The following FOXP2 variants were observed in gnomAD, a reference collection of about 807,000 sequenced individuals.
The protein encoded by FOXP2 is forkhead box protein P2.
A neutral mutation model predicts 115.8 loss-of-function variants in FOXP2; 12 were observed. The observed-to-expected ratio is 0.10, with a 90% CI of 0.07 to 0.17. FOXP2 has a LOEUF of 0.17. Among genes scored for constraint, FOXP2 ranks in the 10% least tolerant of loss-of-function variants. The pLI, the probability that FOXP2 is intolerant of heterozygous loss-of-function variation, is 1.00. For synonymous variants in FOXP2, 328 were observed against 297.7 expected (o/e 1.10, Z -1.05); for missense variants, 629 against 843.5 (o/e 0.75, Z 3.15).
chr7:114,561,047 G>A (rs921444445), intron 3 of FOXP2: 1 of 152,160 alleles, frequency 6.6e-6, no homozygotes, highest in Non-Finnish European at 1.5e-5. Context: ...TGTTTATTAT[G>A]CACATGTCAC....
At chr7:114,659,758 A>G in intron 13 of FOXP2, 85 bp downstream of exon 13, 1 of 1,054,328 alleles carries the variant, frequency 9.5e-7, no homozygotes, top group South Asian at 1.3e-5. Flanking sequence ...TGACATAAGC[A>G]GATTAGTATC....
Position 114,659,369 on chromosome 7 carries a change from C to A in FOXP2, c.1482C>A (p.Asn494Lys). ...TTATTTTTATAGAAATTGCCCCAAA[C>A]TATGAATTTTATAAAAATGCAGATG... The part of the protein sequence containing the change: ...NIPMSSEIAP[N>K]YEFYKNADVR... The change falls in exon 12 of 17, where the codon AAC becomes AAA. Residue 494 changes from asparagine to lysine, a missense_variant. Physicochemically the swap from Asn to Lys is moderately conservative, Grantham distance 94 (BLOSUM62 0). Coordinates refer to ENST00000350908, the MANE Select transcript of FOXP2 (RefSeq NM_014491.4). 6.2e-7 allele frequency: 1 copy of A among 1,611,328 alleles called. No individual in the cohort carries two copies. The highest frequency in any genetic ancestry group is 8.5e-7 in the Non-Finnish European group (1 of 1,177,994).
At chr7:114,298,955 G>T (rs568334117) in intron 2 of FOXP2, among the ~76,000 whole-genome samples, 1 of 152,056 alleles carries the variant, frequency 6.6e-6, no homozygotes, top group Non-Finnish European at 1.5e-5. Flanking sequence ...TGAACCATAC[G>T]TACAAAATTA....
chr7:114,171,676 G>T (rs543872768), intron 1 of FOXP2, among the ~76,000 whole-genome samples: 1 of 152,288 alleles, frequency 6.6e-6, no homozygotes, highest in East Asian at 1.9e-4. Flanking sequence ...CCATTCCATA[G>T]CGCACAGATC....
upstream of FOXP2, among the ~76,000 whole-genome samples, chr7:114,412,643 T>C (rs1418255209): frequency 1.3e-5 from 2 of 152,192 alleles, no homozygotes; most frequent in African/African-American, 4.8e-5. Flanking sequence ...CCAGCCAAAC[T>C]TGACGTACCC....
intron 4 of FOXP2, among the ~76,000 whole-genome samples, chr7:114,629,358 G>C (rs1380329025): frequency 6.6e-6 from 1 of 152,122 alleles, no homozygotes; most frequent in Non-Finnish European, 1.5e-5. Context: ...CTTCTGTGCT[G>C]ATGACTACAG....
chr7:114,237,829 C>T (rs1291098515), intron 1 of FOXP2, among the ~76,000 whole-genome samples: 1 of 151,786 alleles, frequency 6.6e-6, no homozygotes, highest in Admixed American at 6.6e-5. Context: ...CAAAAAATTA[C>T]CCAGGTGTGG....
chr7:114,336,265 G>C (rs1035545792), intron 2 of FOXP2, among the ~76,000 whole-genome samples: 2 of 151,178 alleles, frequency 1.3e-5, no homozygotes, highest in Admixed American at 6.6e-5. Context: ...CATGTGAAGT[G>C]TTCTTACTGT....
chr7:114,545,872 C>T lies in FOXP2; in HGVS notation c.258+11166C>T, dbSNP rs538069904. Among the ~76,000 whole-genome samples the T allele has an allele frequency of 7.3e-4, 111 of 152,218 alleles. 2 individuals are homozygous for T. In the South Asian group the frequency reaches 0.019, roughly 26 times the overall value. On this transcript the variant is annotated intron_variant, in intron 3 of 16. Coordinates refer to ENST00000350908, the MANE Select transcript of FOXP2 (RefSeq NM_014491.4). ...GTGAAGTCTCCTTTAATATCCTCCCCATCCTCACCAGCACACACACACTAT... is the reference window on the plus strand; with the variant it reads ...GTGAAGTCTCCTTTAATATCCTCCCTATCCTCACCAGCACACACACACTAT...
intron 2 of FOXP2, among the ~76,000 whole-genome samples, chr7:114,375,676 A>G (rs191452937): frequency 3.2e-4 from 49 of 152,250 alleles, no homozygotes; most frequent in African/African-American, 1.1e-3. Context: ...CTAGATGCTG[A>G]CTACAGCTGC....
At position 114,691,544 on chromosome 7, in the gene FOXP2, C is replaced by T. The variant is rs1305073665; in HGVS notation, c.*1618C>T. 2.2e-6 allele frequency: 1 copy of T among 453,822 alleles called. No individual in the cohort carries two copies. Among genetic ancestry groups the T allele is most frequent in the Non-Finnish European group, 4.4e-6 (1 of 226,748 alleles). The allele number at this position is 453,822 out of a possible 1,614,324, so 28.1% of individuals were successfully genotyped here. A position where few individuals can be genotyped will look rare whatever the true frequency, so the allele number is the denominator to read the frequency against. On this transcript the variant is annotated 3_prime_UTR_variant, in exon 17 of 17. Transcript: ENST00000350908. ...TTCTTGACAATTCCAAACCCCAAAACTATGATAATGAGTTATGATGTAGTT... is the reference window on the plus strand; with the variant it reads ...TTCTTGACAATTCCAAACCCCAAAATTATGATAATGAGTTATGATGTAGTT...
intron 2 of FOXP2, among the ~76,000 whole-genome samples, chr7:114,479,771 T>C (rs1052222261): frequency 2.0e-5 from 3 of 151,542 alleles, no homozygotes; most frequent in African/African-American, 7.2e-5. Context: ...TAAATTTTTA[T>C]TGGAATATCA....
At chr7:114,669,154 A>C (rs888597112) in intron 16 of FOXP2, 1 of 152,044 alleles carries the variant, frequency 6.6e-6, no homozygotes, top group Admixed American at 6.6e-5. Context: ...CCTTCACCTC[A>C]TTCATGATTA....
intron 1 of FOXP2, among the ~76,000 whole-genome samples, chr7:114,146,190 G>A (rs1792363708): frequency 1.3e-5 from 2 of 152,118 alleles, no homozygotes; most frequent in African/African-American, 4.8e-5. Flanking sequence ...AATTTCAGAG[G>A]TTGCAATTTT....
intron 3 of FOXP2, among the ~76,000 whole-genome samples, chr7:114,623,026 C>T (rs1804337925): frequency 6.6e-6 from 1 of 151,814 alleles, no homozygotes; most frequent in South Asian, 2.1e-4. Flanking sequence ...CCCAAATGAG[C>T]ACTCAAGTAT....
rs183714083 is a variant in FOXP2 at position 114,154,690 on chromosome 7, T to A, written c.-246-8254T>A. ...GATTAAATATATTATTTAATGGAAA[T>A]TAGTATTTCAAAATGTGTTCAAAGA... On this transcript the variant is annotated intron_variant, in intron 1 of 19. Transcript: ENST00000635638. 1.6e-3 allele frequency among the ~76,000 whole-genome samples: 249 copies of A among 152,230 alleles called. 1 individual carries two copies. Among genetic ancestry groups the A allele is most frequent in the African/African-American group, 5.2e-3 (216 of 41,554 alleles).
At chr7:114,279,989 T>C (rs1321905981) in intron 1 of FOXP2, among the ~76,000 whole-genome samples, 3 of 152,014 alleles carry the variant, frequency 2.0e-5, no homozygotes, top group Non-Finnish European at 4.4e-5. Context: ...TCTGAGTCTA[T>C]TTAAACCTGC....
intron 1 of FOXP2, among the ~76,000 whole-genome samples, chr7:114,249,635 T>C (rs546351448): frequency 1.3e-5 from 2 of 152,304 alleles, no homozygotes; most frequent in African/African-American, 2.4e-5. Flanking sequence ...TTGGGTTGAT[T>C]CCATGTCTTT....
chr7:114,544,949 T>A (rs781760074), intron 3 of FOXP2, among the ~76,000 whole-genome samples: 18 of 152,154 alleles, frequency 1.2e-4, no homozygotes, highest in Non-Finnish European at 2.4e-4. Flanking sequence ...CATTTTCAAG[T>A]CTAAAAAATT....
Sources: gnomAD v4.1 joint callset for allele counts (sites outside exome capture counted in the v4.1 genomes callset) on GRCh38, gnomAD v4.1.1 for gene constraint, MANE v1.5 for transcripts, NCBI Gene and HGNC (gene_info 2026-07-23, HGNC 2026-07-21) for gene names.